The following NRXN3 variants were observed in gnomAD, a reference collection of about 807,000 sequenced individuals.
NRXN3 encodes neurexin 3, also known as neurexin III.
In NRXN3, 32 loss-of-function variants were observed where a neutral mutation model predicts 137.6. That is an observed-to-expected ratio of 0.23 (90% CI 0.18 to 0.31). The LOEUF is 0.31. Ranked by LOEUF, NRXN3 falls within the 10% of genes least tolerant of loss-of-function variation. The probability of loss-of-function intolerance (pLI) is 1.00; values close to 1 mark genes in which losing one functional copy is unlikely to be tolerated. For missense variants in NRXN3, 1,574 were observed against 2,062.5 expected (o/e 0.76, Z 4.59); for synonymous variants, 798 against 784.5 (o/e 1.02, Z -0.29).
chr14:78,772,478 G>A (rs1055852057), intron 8 of NRXN3, among the ~76,000 whole-genome samples: 4 of 152,154 alleles, frequency 2.6e-5, no homozygotes, highest in South Asian at 2.1e-4. Context: ...AATCATTCAT[G>A]ACTTTTCCAA....
chr14:78,717,102 A>G (rs1232449951), intron 8 of NRXN3, among the ~76,000 whole-genome samples: 1 of 152,204 alleles, frequency 6.6e-6, no homozygotes, highest in Non-Finnish European at 1.5e-5. Flanking sequence ...CTATGAAGAC[A>G]GTATAAAGGT....
At chr14:79,278,134 C>G (rs1233363856) in intron 15 of NRXN3, among the ~76,000 whole-genome samples, 2 of 152,052 alleles carry the variant, frequency 1.3e-5, no homozygotes, top group Non-Finnish European at 2.9e-5. Context: ...CTATAAGCTC[C>G]TTTTAAAAAA....
At chr14:78,758,523 A>G (rs1265598457) in intron 8 of NRXN3, among the ~76,000 whole-genome samples, 1 of 152,176 alleles carries the variant, frequency 6.6e-6, no homozygotes, top group Non-Finnish European at 1.5e-5. Flanking sequence ...CCTCTGGTGG[A>G]TAGTCCAAGC....
intron 15 of NRXN3, among the ~76,000 whole-genome samples, chr14:79,454,422 G>A (rs1457788519): frequency 6.6e-6 from 1 of 151,980 alleles, no homozygotes. Context: ...CTCCATGTTG[G>A]TCAGGCTGGT....
chr14:78,537,924 G>A (rs1484733576), intron 4 of NRXN3, among the ~76,000 whole-genome samples: 1 of 152,138 alleles, frequency 6.6e-6, no homozygotes, highest in African/African-American at 2.4e-5. Flanking sequence ...GGTTGTAGAT[G>A]TGTAGTGTTA....
chr14:78,205,640 G>T (rs920389441), intron 1 of NRXN3, among the ~76,000 whole-genome samples: 1 of 152,166 alleles, frequency 6.6e-6, no homozygotes, highest in East Asian at 1.9e-4. Context: ...ACAGCAGGGT[G>T]CATTAGAGAC....
chr14:78,300,971 G>A (rs900363492), intron 4 of NRXN3, among the ~76,000 whole-genome samples: 1 of 152,146 alleles, frequency 6.6e-6, no homozygotes, highest in Admixed American at 6.5e-5. Context: ...AGGAACGGGG[G>A]AGGGTGTTCT....
At chr14:79,043,750 C>G (rs1474651867) in intron 15 of NRXN3, among the ~76,000 whole-genome samples, 1 of 152,060 alleles carries the variant, frequency 6.6e-6, no homozygotes, top group Non-Finnish European at 1.5e-5. Context: ...CTAGTTCTAT[C>G]AAGTGTCAGT....
chr14:78,959,631 C>T (rs1419161930), intron 11 of NRXN3, among the ~76,000 whole-genome samples: 2 of 152,098 alleles, frequency 1.3e-5, no homozygotes, highest in African/African-American at 2.4e-5. Context: ...AACTCAGAAG[C>T]GGGAGGTGAA....
intron 3 of NRXN3, among the ~76,000 whole-genome samples, chr14:78,294,788 C>A (rs1296929339): frequency 6.6e-6 from 1 of 152,142 alleles, no homozygotes; most frequent in Non-Finnish European, 1.5e-5. Context: ...CCATGCATCA[C>A]TGTCAGGTAT....
chr14:79,462,915 C>T (rs1349359302), intron 15 of NRXN3, among the ~76,000 whole-genome samples: 3 of 151,732 alleles, frequency 2.0e-5, no homozygotes, highest in Non-Finnish European at 4.4e-5. Flanking sequence ...TGTACATACA[C>T]ATATGTATGT....
chr14:79,222,808 G>A (rs1168673569), intron 15 of NRXN3, among the ~76,000 whole-genome samples: 1 of 151,948 alleles, frequency 6.6e-6, no homozygotes, highest in African/African-American at 2.4e-5. Context: ...TATAATTATT[G>A]CCATCTGTAT....
intron 7 of NRXN3, 71 bp downstream of exon 7, chr14:78,709,726 A>G (rs2098389238): frequency 2.9e-6 from 4 of 1,386,316 alleles, no homozygotes; most frequent in Non-Finnish European, 3.9e-6. Flanking sequence ...TTTTGGCTTT[A>G]TGTTTCTTAA....
intron 10 of NRXN3, among the ~76,000 whole-genome samples, chr14:78,929,529 A>G (rs2099315710): frequency 6.6e-6 from 1 of 152,282 alleles, no homozygotes; most frequent in Non-Finnish European, 1.5e-5. Context: ...CCTGTAAAGG[A>G]CACGATCTCA....
At chr14:78,937,185 GA>G (rs199876825) in intron 10 of NRXN3, among the ~76,000 whole-genome samples, 5,955 of 98,406 alleles carry the variant, frequency 0.061, 160 homozygotes, top group Middle Eastern at 0.11. Context: ...TCGTGCCATT[GA>G]AAAAAAAAAA....
intron 10 of NRXN3, among the ~76,000 whole-genome samples, chr14:78,877,325 T>C (rs893312263): frequency 2.0e-5 from 3 of 152,160 alleles, no homozygotes; most frequent in African/African-American, 2.4e-5. Context: ...ATTGATATTT[T>C]CTGAAGGTCC....
At chr14:78,647,059 A>G (rs1184443418) in intron 5 of NRXN3, among the ~76,000 whole-genome samples, 2 of 152,158 alleles carry the variant, frequency 1.3e-5, no homozygotes, top group African/African-American at 2.4e-5. Flanking sequence ...GATTCTCACC[A>G]ATTTGTTTCT....
chr14:79,009,953 A>G (rs1186916132), intron 15 of NRXN3, among the ~76,000 whole-genome samples: 1 of 152,218 alleles, frequency 6.6e-6, no homozygotes, highest in East Asian at 1.9e-4. Flanking sequence ...TCTTTTGAAG[A>G]ATATAGAGAA....
chr14:78,992,927 G>T (rs145300462), intron 15 of NRXN3, among the ~76,000 whole-genome samples: 211 of 152,268 alleles, frequency 1.4e-3, no homozygotes, highest in African/African-American at 4.9e-3. Flanking sequence ...GAAGTAAAGG[G>T]AATGAACGTG....
Sources: gnomAD v4.1 joint callset for allele counts (sites outside exome capture counted in the v4.1 genomes callset) on GRCh38, gnomAD v4.1.1 for gene constraint, MANE v1.5 for transcripts, NCBI Gene and HGNC (gene_info 2026-07-23, HGNC 2026-07-21) for gene names.